Variants in NRG1 observed in about 807,000 individuals in gnomAD.
The protein encoded by NRG1 is neuregulin 1, also known as pro-neuregulin-1, membrane-bound isoform.
NRG1 carries 18 observed loss-of-function variants against 63.8 expected under a neutral mutation model. The ratio of observed to expected loss-of-function variants is 0.28; its 90% CI spans 0.19 to 0.42. NRG1 has a LOEUF of 0.42. NRG1 is among the 10% of genes least tolerant of loss of function. The pLI, the probability that NRG1 is intolerant of heterozygous loss-of-function variation, is 1.00. For missense variants in NRG1, 762 were observed against 814.7 expected (o/e 0.94, Z 0.79); for synonymous variants, 302 against 301.3 (o/e 1.00, Z -0.02).
intron 1 of NRG1, among the ~76,000 whole-genome samples, chr8:31,680,188 T>G (rs901425375): frequency 6.6e-6 from 1 of 151,978 alleles, no homozygotes; most frequent in Non-Finnish European, 1.5e-5. Flanking sequence ...ATGTGCACAA[T>G]GTGCAGGTTA....
chr8:31,814,858 TCTG>T (rs1413373372), intron 1 of NRG1, among the ~76,000 whole-genome samples: 2 of 151,998 alleles, frequency 1.3e-5, no homozygotes, highest in African/African-American at 4.8e-5. Flanking sequence ...TTTCTCTTGT[TCTG>T]CTCCCATACA....
chr8:32,421,533 C>T (rs1816698698), intron 1 of NRG1, among the ~76,000 whole-genome samples: 2 of 152,158 alleles, frequency 1.3e-5, no homozygotes, highest in South Asian at 4.1e-4. Flanking sequence ...TGTGAAACAG[C>T]AGGGCTATTA....
chr8:32,742,730 T>G lies in NRG1; in HGVS notation c.688T>G (p.Tyr230Asp). The G allele has an allele frequency of 6.2e-7, 1 of 1,613,836 alleles. No individual in the cohort carries two copies. The highest frequency in any genetic ancestry group is 8.5e-7 in the Non-Finnish European group (1 of 1,179,752). ...CCAAAACTACGTAATGGCCAGCTTC[T>G]ACAGTACGTCCACTCCCTTTCTGTC... Residue 230 changes from tyrosine (Y) to aspartate (D), a missense_variant, in exon 7 of 12, where the codon TAC becomes GAC. Coordinates refer to ENST00000356819, the Ensembl canonical transcript of NRG1. The surrounding 1 kb of genome is among the most constrained non-coding windows in gnomAD (Gnocchi z 4.2).
chr8:31,920,976 T>G (rs1833864028), intron 1 of NRG1, among the ~76,000 whole-genome samples: 1 of 152,166 alleles, frequency 6.6e-6, no homozygotes, highest in Non-Finnish European at 1.5e-5. Context: ...CAAAAGCTTC[T>G]ATTGTACTAT....
intron 1 of NRG1, among the ~76,000 whole-genome samples, chr8:31,659,993 A>C (rs2130930536): frequency 6.6e-6 from 1 of 152,290 alleles, no homozygotes; most frequent in Middle Eastern, 3.4e-3. Flanking sequence ...TTACAGATGA[A>C]ACTGTCTCAG....
chr8:31,763,865 G>A (rs1278373317), intron 1 of NRG1, among the ~76,000 whole-genome samples: 1 of 152,098 alleles, frequency 6.6e-6, no homozygotes, highest in Non-Finnish European at 1.5e-5. Flanking sequence ...CAGGAGAATG[G>A]CGTGAACCTG....
intron 1 of NRG1, among the ~76,000 whole-genome samples, chr8:31,994,001 T>G (rs1811506207): frequency 6.6e-6 from 1 of 151,998 alleles, no homozygotes; most frequent in African/African-American, 2.4e-5. Flanking sequence ...AGTTTCATTT[T>G]TGCAACATTC....
Position 31,640,217 on chromosome 8 carries a change from G to A in NRG1, c.37+786G>A. 1.7e-6 allele frequency: 2 copies of A among 1,165,604 alleles called. No individual in the cohort carries two copies. Among genetic ancestry groups the A allele is most frequent in the Non-Finnish European group, 2.1e-6 (2 of 944,670 alleles). 72.2% of individuals were successfully genotyped at this position (1,165,604 alleles called of 1,614,324 possible). On this transcript the variant is annotated intron_variant, in intron 1 of 10. Transcript: ENST00000519301. The surrounding 1 kb of genome is among the most constrained non-coding windows in gnomAD (Gnocchi z 6.3). The stretch of plus-strand genomic sequence containing the variant: ...GGATCGGTGCAGGAGCTAGCTCAGC[G>A]CGCCGCGGTGGTGATCGAGGGAAAG...
At chr8:32,289,005 C>T (rs988777601) in intron 1 of NRG1, among the ~76,000 whole-genome samples, 2 of 152,156 alleles carry the variant, frequency 1.3e-5, no homozygotes, top group Non-Finnish European at 2.9e-5. Flanking sequence ...GCTAACTGCA[C>T]TTGCTGGCAT....
intron 1 of NRG1, among the ~76,000 whole-genome samples, chr8:31,662,664 T>C (rs1171944593): frequency 1.3e-5 from 2 of 152,166 alleles, no homozygotes; most frequent in African/African-American, 4.8e-5. Flanking sequence ...ACCAACTTAA[T>C]AGGTGCTAGC....
chr8:32,416,504 C>T (rs967900401), intron 1 of NRG1, among the ~76,000 whole-genome samples: 3 of 152,088 alleles, frequency 2.0e-5, no homozygotes, highest in South Asian at 2.1e-4. Context: ...CAGCGATTCT[C>T]GAATATAGGC....
intron 1 of NRG1, among the ~76,000 whole-genome samples, chr8:32,457,669 C>T (rs1473800460): frequency 6.6e-6 from 1 of 152,172 alleles, no homozygotes; most frequent in African/African-American, 2.4e-5. Context: ...TGGCCCAAAT[C>T]TCTCTGTTAC....
chr8:31,639,788 T>A, intron 1 of NRG1: 9 of 1,275,708 alleles, frequency 7.1e-6, no homozygotes, highest in Non-Finnish European at 8.9e-6. Context: ...CGCCTTTCTG[T>A]GGTTCCATCC....
At chr8:32,123,451 C>A (rs918359091) in intron 1 of NRG1, among the ~76,000 whole-genome samples, 1 of 151,786 alleles carries the variant, frequency 6.6e-6, no homozygotes, top group African/African-American at 2.4e-5. Context: ...TTTGAGGCCT[C>A]CCCAGCCATG....
At chr8:32,344,419 A>ATATG (rs1804574496) in intron 1 of NRG1, among the ~76,000 whole-genome samples, 1 of 57,422 alleles carries the variant, frequency 1.7e-5, no homozygotes, top group African/African-American at 5.3e-5. Flanking sequence ...GCGTGCATGC[A>ATATG]TGTGTGTGTG....
intron 1 of NRG1, among the ~76,000 whole-genome samples, chr8:32,094,034 T>C (rs1237721353): frequency 1.3e-5 from 2 of 152,214 alleles, no homozygotes; most frequent in Non-Finnish European, 2.9e-5. Flanking sequence ...CAGGACAATC[T>C]AGCAGAAATA....
chr8:31,940,797 AG>A (rs757719660), intron 1 of NRG1, among the ~76,000 whole-genome samples: 2 of 152,138 alleles, frequency 1.3e-5, no homozygotes, highest in Non-Finnish European at 2.9e-5. Flanking sequence ...TAGAAAACCT[AG>A]GGGAGATGGA....
intron 5 of NRG1, among the ~76,000 whole-genome samples, chr8:32,659,106 A>G (rs1802195911): frequency 6.6e-6 from 1 of 151,680 alleles, no homozygotes; most frequent in Non-Finnish European, 1.5e-5. Context: ...CTCCTTTCAT[A>G]ATATGTAGAA....
chr8:32,284,328 A>C (rs1295824059), intron 1 of NRG1, among the ~76,000 whole-genome samples: 1 of 151,398 alleles, frequency 6.6e-6, no homozygotes, highest in Non-Finnish European at 1.5e-5. Flanking sequence ...CTGACCCCAC[A>C]CTCTGCTCTT....
Sources: gnomAD v4.1 joint callset for allele counts (sites outside exome capture counted in the v4.1 genomes callset) on GRCh38, gnomAD v4.1.1 for gene constraint, Gnocchi (gnomAD v3.1) non-coding constraint, MANE v1.5 for transcripts, NCBI Gene and HGNC (gene_info 2026-07-23, HGNC 2026-07-21) for gene names.